Variants in MTMR3 observed in about 807,000 individuals in gnomAD.
MTMR3 encodes myotubularin related protein 3.
A neutral mutation model predicts 132.4 loss-of-function variants in MTMR3; 32 were observed. That is an observed-to-expected ratio of 0.24 (90% confidence interval 0.18 to 0.32). MTMR3 has a LOEUF of 0.32. Among genes scored for constraint, MTMR3 ranks in the 10% least tolerant of loss-of-function variants. MTMR3 has a pLI of 1.00. For missense variants in MTMR3, 1,216 were observed against 1,489.6 expected (o/e 0.82, Z 3.02); for synonymous variants, 556 against 550.3 (o/e 1.01, Z -0.14).
intron 1 of MTMR3, among the ~76,000 whole-genome samples, chr22:29,933,009 C>T (rs2065675196): frequency 6.6e-6 from 1 of 152,026 alleles, no homozygotes; most frequent in African/African-American, 2.4e-5. Context: ...TGCTCTGTTG[C>T]TCAGGCTGGA....
At chr22:29,950,367 ATTTT>A (rs959584554) in intron 1 of MTMR3, among the ~76,000 whole-genome samples, 2 of 151,026 alleles carry the variant, frequency 1.3e-5, no homozygotes, top group Non-Finnish European at 3.0e-5. Context: ...TTTTTTATTT[ATTTT>A]TTTATTTTTT....
Position 30,026,006 on chromosome 22 carries a change from T to G in MTMR3, c.*205T>G, listed in dbSNP as rs955019761. Reference sequence around the variant, plus strand: ...TCCCTCCCTACCTTTTCCATCCTCCTCCTCTGCCTTCAAAAAAGGAAACTT... The same window carrying G: ...TCCCTCCCTACCTTTTCCATCCTCCGCCTCTGCCTTCAAAAAAGGAAACTT... On this transcript the variant is annotated 3_prime_UTR_variant, in exon 20 of 20. Transcript: ENST00000401950. The G allele has an allele frequency of 7.5e-5, 35 of 466,030 alleles. No individual in the cohort carries two copies. The highest frequency in any genetic ancestry group is 1.0e-4 in the Non-Finnish European group (28 of 267,152). The allele number at this position is 466,030 out of a possible 1,614,324, so 28.9% of individuals were successfully genotyped here. A position where few individuals can be genotyped will look rare whatever the true frequency, so the allele number is the denominator to read the frequency against.
chr22:29,898,927 TA>T (rs2064954653), intron 1 of MTMR3, among the ~76,000 whole-genome samples: 1 of 150,526 alleles, frequency 6.6e-6, no homozygotes, highest in East Asian at 1.9e-4. Flanking sequence ...TTTTTTTTTT[TA>T]ATGAAAGTAA....
At chr22:30,000,023 T>G (rs2067136755) in intron 8 of MTMR3, 1 of 151,968 alleles carries the variant, frequency 6.6e-6, no homozygotes, top group South Asian at 2.1e-4. Flanking sequence ...AAAAAAAAAT[T>G]AATGTAACCA....
At position 29,996,518 on chromosome 22, in the gene MTMR3, A is replaced by G. The variant is rs1009515291; in HGVS notation, c.461-2243A>G. On this transcript the variant is annotated intron_variant, in intron 7 of 19. Coordinates refer to ENST00000401950, the MANE Select transcript of MTMR3 (RefSeq NM_021090.4). ...TCCTGAGATAGAGGTGTTAATGTAA[A>G]AGATCATTAATGTACAGTTCAAGAA... 1.8e-4 allele frequency: 27 copies of G among 152,212 alleles called. 1 individual carries two copies. Among genetic ancestry groups the G allele is most frequent in the Non-Finnish European group, 7.3e-5 (5 of 68,034 alleles). The allele number at this position is 152,212 out of a possible 1,614,324, so 9.4% of individuals were successfully genotyped here.
At chr22:30,017,026 T>G (rs1647680918) in intron 15 of MTMR3, 3 of 226,346 alleles carry the variant, frequency 1.3e-5, no homozygotes, top group Non-Finnish European at 8.8e-6. Context: ...TTAAGTTGCT[T>G]CCTGATGCAC....
At chr22:29,945,700 A>G (rs1415406615) in intron 1 of MTMR3, among the ~76,000 whole-genome samples, 1 of 143,122 alleles carries the variant, frequency 7.0e-6, no homozygotes, top group Non-Finnish European at 1.5e-5. Flanking sequence ...GTGAGACTCC[A>G]GTCTTTAAAA....
At position 30,020,506 on chromosome 22, in the gene MTMR3, G is replaced by C. The variant is rs142819939; in HGVS notation, c.2847G>C (p.Gln949His). ...SEQPPGLSTLQMYPTPNGHCA... is the reference protein window; with the variant it reads ...SEQPPGLSTLHMYPTPNGHCA... Reference sequence around the variant, plus strand: ...AGCCCCCAGGTCTTAGCACCCTCCAGATGTACCCCACACCCAATGGGCATT... The same window carrying C: ...AGCCCCCAGGTCTTAGCACCCTCCACATGTACCCCACACCCAATGGGCATT... The change falls in exon 17 of 20, where the codon CAG becomes CAC. Residue 949 changes from glutamine (Q) to histidine (H), a missense_variant. By Grantham distance (24) the Gln-to-His change is conservative. This residue lies in a region of MTMR3 where 852 missense variants were observed against 852.0 expected (regional missense o/e 1.00). Transcript: ENST00000401950. 1 of 1,614,198 alleles carries C rather than the reference G, an allele frequency of 6.2e-7. No individual in the cohort carries two copies. The highest frequency in any genetic ancestry group is 8.5e-7 in the Non-Finnish European group (1 of 1,180,026).
At chr22:29,954,053 A>C (rs2066134866) in intron 1 of MTMR3, among the ~76,000 whole-genome samples, 1 of 110,678 alleles carries the variant, frequency 9.0e-6, no homozygotes, top group African/African-American at 4.0e-5. Flanking sequence ...TTTCTTTCAA[A>C]TGAGTCTTTT....
intron 16 of MTMR3, 122 bp from the exon 17 acceptor site, chr22:30,019,358 C>A: frequency 1.1e-6 from 1 of 898,768 alleles, no homozygotes; most frequent in Non-Finnish European, 1.7e-6. Flanking sequence ...AGAGATGCTA[C>A]AGCTCCATGA....
At chr22:29,944,737 A>T (rs2145818983) in intron 1 of MTMR3, among the ~76,000 whole-genome samples, 1 of 152,316 alleles carries the variant, frequency 6.6e-6, no homozygotes, top group Non-Finnish European at 1.5e-5. Context: ...ATTGTGATAA[A>T]ACTTTATTTG....
intron 1 of MTMR3, among the ~76,000 whole-genome samples, chr22:29,933,738 T>A (rs571367285): frequency 6.6e-6 from 1 of 151,322 alleles, no homozygotes; most frequent in African/African-American, 2.4e-5. Context: ...TCTGTGTTTT[T>A]TTTTTTTTTT....
chr22:30,013,879 G>T (rs1356891440), intron 14 of MTMR3: 1 of 220,076 alleles, frequency 4.5e-6, no homozygotes, highest in Non-Finnish European at 9.1e-6. Flanking sequence ...GACTGTCTCA[G>T]ACTCTGCACC....
intron 2 of MTMR3, among the ~76,000 whole-genome samples, chr22:29,969,898 C>T (rs1406376486): frequency 6.6e-6 from 1 of 152,138 alleles, no homozygotes; most frequent in Non-Finnish European, 1.5e-5. Flanking sequence ...ACAATCTGGG[C>T]CTTGCTACTG....
intron 8 of MTMR3, 170 bp downstream of exon 8, chr22:29,999,027 C>T (rs1315320887): frequency 4.4e-6 from 2 of 450,922 alleles, no homozygotes; most frequent in Non-Finnish European, 7.8e-6. Flanking sequence ...GTTCCCGTTG[C>T]TATCATTGGA....
intron 1 of MTMR3, among the ~76,000 whole-genome samples, chr22:29,954,174 T>A (rs900786017): frequency 2.0e-5 from 3 of 147,678 alleles, no homozygotes; most frequent in African/African-American, 7.4e-5. Flanking sequence ...CTCGGACTCC[T>A]GGGCTCAAGC....
intron 1 of MTMR3, among the ~76,000 whole-genome samples, chr22:29,913,642 T>A (rs1429884217): frequency 2.6e-5 from 4 of 152,200 alleles, no homozygotes; most frequent in African/African-American, 9.6e-5. Flanking sequence ...TTAAAAGCAG[T>A]AGTTGTTCCA....
chr22:29,929,492 C>T (rs2065596461), intron 1 of MTMR3, among the ~76,000 whole-genome samples: 2 of 150,798 alleles, frequency 1.3e-5, no homozygotes, highest in South Asian at 4.2e-4. Context: ...GTCTGTTTTT[C>T]AGGTTTTTTC....
chr22:30,017,865 T>G, intron 15 of MTMR3, 62 bp from the exon 16 acceptor site: 1 of 1,599,898 alleles, frequency 6.3e-7, no homozygotes, highest in African/African-American at 1.3e-5. Context: ...TGATCCTCAT[T>G]TCCAGACATC....
Sources: gnomAD v4.1 joint callset for allele counts (sites outside exome capture counted in the v4.1 genomes callset) on GRCh38, gnomAD v4.1.1 for gene constraint, gnomAD v4.1.1 regional missense constraint, MANE v1.5 for transcripts, NCBI Gene and HGNC (gene_info 2026-07-23, HGNC 2026-07-21) for gene names.